Variants in ATP7A observed in about 807,000 individuals in gnomAD.
ATP7A encodes ATPase copper transporting alpha.
ATP7A carries 7 observed loss-of-function variants against 83.5 expected under a neutral mutation model. That is an observed-to-expected ratio of 0.08 (90% CI 0.05 to 0.16). The LOEUF is 0.16. Among genes scored for constraint, ATP7A ranks in the 10% least tolerant of loss-of-function variants. The pLI is 1.00. For missense variants in ATP7A, 940 were observed against 1,120.8 expected, an observed-to-expected ratio of 0.84 and a Z score of 2.30; for synonymous variants, 354 against 395.2, an observed-to-expected ratio of 0.90 and a Z score of 1.24.
intron 1 of ATP7A, among the ~76,000 whole-genome samples, chrX:77,949,922 C>A (rs1023187797): frequency 9.0e-6 from 1 of 111,573 alleles, no homozygotes; most frequent in Non-Finnish European, 1.9e-5. Flanking sequence ...ATTGGTTAGG[C>A]TATTTGGATT....
intron 22 of ATP7A, 97 bp downstream of exon 22, chrX:78,045,669 C>A: frequency 1.2e-6 from 1 of 822,373 alleles, no homozygotes; most frequent in Non-Finnish European, 1.8e-6. Flanking sequence ...AATGATAAGC[C>A]CAAACCATTC....
chrX:78,046,999 C>G lies in ATP7A; in HGVS notation c.*429C>G. On this transcript the variant is annotated 3_prime_UTR_variant, in exon 23 of 23. Coordinates refer to ENST00000341514, the MANE Select transcript of ATP7A (RefSeq NM_000052.7). ...TTGAAGATACTCTCAAGCCTGTATC[C>G]CTGCCCCACTGGGGAGCAATGACTT... The G allele has an allele frequency of 7.3e-6, 1 of 136,531 alleles. No homozygotes were observed. Among genetic ancestry groups the G allele is most frequent in the Non-Finnish European group, 1.5e-5 (1 of 68,483 alleles). 11.3% of individuals were successfully genotyped at this position (136,531 alleles called of 1,213,427 possible).
intron 1 of ATP7A, among the ~76,000 whole-genome samples, chrX:77,926,233 C>T (rs1318524607): frequency 1.8e-5 from 2 of 112,127 alleles, no homozygotes; most frequent in Non-Finnish European, 3.8e-5. Context: ...ATGCATCCTA[C>T]AAAGGCATCC....
intron 6 of ATP7A, among the ~76,000 whole-genome samples, chrX:78,004,621 G>A (rs1030857767): frequency 3.6e-5 from 4 of 110,986 alleles, no homozygotes; most frequent in African/African-American, 6.6e-5. Context: ...GGTGGCTCAC[G>A]CCTGTAATCC....
rs1248071653 is a variant in ATP7A, at chrX:78,049,609, A to G, written c.*3039A>G. The G allele has an allele frequency of 8.9e-6, 1 of 112,742 alleles. No homozygotes were observed. Among genetic ancestry groups the G allele is most frequent in the Non-Finnish European group, 1.9e-5 (1 of 53,213 alleles). 9.3% of individuals were successfully genotyped at this position (112,742 alleles called of 1,213,427 possible). A position where few individuals can be genotyped will look rare whatever the true frequency, so the allele number is the denominator to read the frequency against. ...TGAAAATAGAAACGTTATTTTTCCT[A>G]GTTTAGTATCAACATTTTAGAATGT... On this transcript the variant is annotated 3_prime_UTR_variant, in exon 23 of 23. Transcript: ENST00000341514.
intron 1 of ATP7A, chrX:77,966,964 C>T (rs1557228846): frequency 7.7e-6 from 2 of 258,664 alleles, no homozygotes; most frequent in African/African-American, 5.6e-5. Flanking sequence ...CATGTGTTCT[C>T]ATTGTTCAAC....
chrX:77,986,663 C>T (rs2077638469), intron 2 of ATP7A, among the ~76,000 whole-genome samples: 1 of 111,877 alleles, frequency 8.9e-6, no homozygotes, highest in African/African-American at 3.2e-5. Context: ...TCCTATACAT[C>T]TTGTTAGGAG....
intron 18 of ATP7A, among the ~76,000 whole-genome samples, chrX:78,039,401 C>T (rs896815123): frequency 9.0e-6 from 1 of 110,878 alleles, no homozygotes. Flanking sequence ...TGATGTGATT[C>T]GGCTCACTGC....
At chrX:77,932,056 C>T (rs2077285227) in intron 1 of ATP7A, among the ~76,000 whole-genome samples, 1 of 110,798 alleles carries the variant, frequency 9.0e-6, no homozygotes, top group African/African-American at 3.3e-5. Context: ...TGACCCCCAC[C>T]TCCCTCCCGG....
rs1415059298 is a variant in ATP7A at position 77,914,251 on chromosome X, AAAT to A, written c.-22+3421_-22+3423del. On this transcript the variant is annotated intron_variant, in intron 1 of 22. Coordinates refer to ENST00000341514, the MANE Select transcript of ATP7A (RefSeq NM_000052.7). Reference sequence around the variant, plus strand: ...ATTTATTAATTAATTATTATTTTTTAAATAATATTATTTTTAAGAGATGGGGTC... The same window carrying A: ...ATTTATTAATTAATTATTATTTTTTAAATATTATTTTTAAGAGATGGGGTC... Among the ~76,000 whole-genome samples, 17 of 109,510 alleles carry A rather than the reference AAAT, an allele frequency of 1.6e-4. No individual in the cohort carries two copies. In the South Asian group the frequency reaches 1.9e-3, roughly 12 times the overall value.
chrX:77,913,589 C>T (rs1557222174), intron 1 of ATP7A, among the ~76,000 whole-genome samples: 1 of 111,972 alleles, frequency 8.9e-6, no homozygotes, highest in Non-Finnish European at 1.9e-5. Flanking sequence ...TATCAAAATT[C>T]CTTTAGAATG....
At chrX:78,037,980 G>GGTTTTTTTTTTTT (rs2078023803) in intron 17 of ATP7A, among the ~76,000 whole-genome samples, 1 of 51,220 alleles carries the variant, frequency 2.0e-5, no homozygotes, top group African/African-American at 1.0e-4. Flanking sequence ...ATCAAGAAAG[G>GGTTTTTTTTTTTT]TTTTTTTTTT....
intron 18 of ATP7A, 57 bp downstream of exon 18, chrX:78,039,039 T>A: frequency 1.7e-6 from 2 of 1,157,837 alleles, no homozygotes; most frequent in Non-Finnish European, 2.3e-6. Context: ...TTTATTAATT[T>A]ATTTATTTTT....
At chrX:77,979,180 A>C (rs782731209) in intron 2 of ATP7A, among the ~76,000 whole-genome samples, 1 of 110,974 alleles carries the variant, frequency 9.0e-6, no homozygotes, top group Non-Finnish European at 1.9e-5. Context: ...TCTTTTGTAC[A>C]AAATTTTGTG....
intron 1 of ATP7A, chrX:77,963,070 T>G (rs956081803): frequency 9.8e-6 from 2 of 203,632 alleles, no homozygotes; most frequent in Non-Finnish European, 1.8e-5. Context: ...ATTCTATTTT[T>G]GATGTTGATC....
intron 22 of ATP7A, among the ~76,000 whole-genome samples, 176 bp downstream of exon 22, chrX:78,045,748 C>T (rs1338224669): frequency 8.9e-6 from 1 of 111,841 alleles, no homozygotes; most frequent in African/African-American, 3.3e-5. Context: ...TTTGGGAGGC[C>T]GAGGTGGGCA....
intron 1 of ATP7A, among the ~76,000 whole-genome samples, chrX:77,950,183 C>G (rs908831242): frequency 2.7e-5 from 3 of 112,068 alleles, no homozygotes; most frequent in Non-Finnish European, 5.6e-5. Context: ...AAATCCTGGG[C>G]AGAAGTGTCT....
chrX:78,031,714 A>G (rs2077985116), intron 16 of ATP7A, 132 bp downstream of exon 16: 1 of 690,673 alleles, frequency 1.4e-6, no homozygotes, highest in Non-Finnish European at 2.3e-6. Context: ...GTATTTTCTC[A>G]TTTAATTGTA....
At position 78,021,054 on chromosome X, in the gene ATP7A, T is replaced by C; in HGVS notation, c.2891T>C (p.Phe964Ser). The C allele has an allele frequency of 8.3e-7, 1 of 1,208,186 alleles. No homozygotes were observed. The highest frequency in any genetic ancestry group is 1.1e-6 in the Non-Finnish European group (1 of 892,871). ...LVWIVIGFLNFEIVETYFPGY... is the reference protein window; with the variant it reads ...LVWIVIGFLNSEIVETYFPGY... ...TGGATTGTAATTGGATTTCTGAATT[T>C]TGAAATTGTGGAAACCTACTTTCCT... The change falls in exon 14 of 23, where the codon TTT (phenylalanine) becomes TCT (serine). Residue 964 changes from phenylalanine (F) to serine (S), a missense_variant. Physicochemically the swap from Phe to Ser is radical, Grantham distance 155. Transcript: ENST00000341514.
Sources: gnomAD v4.1 joint callset for allele counts (sites outside exome capture counted in the v4.1 genomes callset) on GRCh38, gnomAD v4.1.1 for gene constraint, MANE v1.5 for transcripts, NCBI Gene and HGNC (gene_info 2026-07-23, HGNC 2026-07-21) for gene names.